Variants in FANCA observed in about 807,000 individuals in gnomAD.
FANCA encodes the protein Fanconi anemia group A protein.
Under a neutral mutation model 194.3 loss-of-function variants are expected in FANCA, and 236 were observed. That is an observed-to-expected ratio of 1.21 (90% CI 1.09 to 1.35). FANCA has a LOEUF of 1.35. FANCA is among the 40% of genes most tolerant of loss of function. FANCA has a pLI of 0.00. For missense variants in FANCA, 2,628 were observed against 1,813.9 expected, an observed-to-expected ratio of 1.45 and a Z score of -8.15; for synonymous variants, 1,014 against 715.8, an observed-to-expected ratio of 1.42 and a Z score of -6.65.
intron 17 of FANCA, among the ~76,000 whole-genome samples, chr16:89,781,529 AG>A (rs1684859330): frequency 6.8e-6 from 1 of 146,806 alleles, no homozygotes; most frequent in African/African-American, 2.5e-5. Flanking sequence ...CAAAAAAATT[AG>A]CTGGGTGTGG....
intron 26 of FANCA, among the ~76,000 whole-genome samples, chr16:89,768,909 ACACCCAG>A (rs2039221479): frequency 2.4e-5 from 3 of 126,672 alleles, no homozygotes; most frequent in Non-Finnish European, 3.2e-5. Flanking sequence ...TCTCATGCCA[ACACCCAG>A]TACTCAGTGT....
At chr16:89,792,610 A>G (rs958234508) in intron 11 of FANCA, 63 bp from the exon 12 acceptor site, 3 of 1,467,090 alleles carry the variant, frequency 2.0e-6, no homozygotes, top group East Asian at 2.3e-5. Flanking sequence ...GGTTTTTGTT[A>G]AGGACCAGCC....
chr16:89,787,174 A>C (rs2039926330), intron 14 of FANCA, among the ~76,000 whole-genome samples: 1 of 152,206 alleles, frequency 6.6e-6, no homozygotes, highest in African/African-American at 2.4e-5. Context: ...CAATCCGGTA[A>C]TTCCAACACT....
At position 89,767,473 on chromosome 16, in the gene FANCA, G is replaced by T. The variant is rs6500443; in HGVS notation, c.2505-236C>A. 0.52 allele frequency among the ~76,000 whole-genome samples: 78,519 copies of T among 151,992 alleles called. 22,220 individuals are homozygous for T. The highest frequency in any genetic ancestry group is 0.98 in the East Asian group (5,080 of 5,176). On this transcript the variant is annotated intron_variant, in intron 26 of 42. Transcript: ENST00000389301. ...ATCTCTGCCTCCCGGGTTCAAGCGA[G>T]TCTCCTGCCTCAGCCTCCCAGGTAG... is the stretch of plus-strand genomic sequence containing the variant.
At chr16:89,802,502 C>T (rs139927204) in intron 8 of FANCA, among the ~76,000 whole-genome samples, 1,705 of 152,206 alleles carry the variant, frequency 0.011, 28 homozygotes, top group African/African-American at 0.039. Flanking sequence ...CCAGGTTTCA[C>T]GCCATTCTCC....
chr16:89,752,230 G>T lies in FANCA; in HGVS notation c.2982-8C>A. 6.2e-7 allele frequency: 1 copy of T among 1,611,074 alleles called. No homozygotes were observed. On this transcript the variant is annotated splice_region_variant and splice_polypyrimidine_tract_variant and intron_variant, in intron 30 of 42. Coordinates refer to ENST00000389301, the MANE Select transcript of FANCA (RefSeq NM_000135.4). ...TGGTCATAACTCCTTGAGCTGAAAT[G>T]AAAATACAATAAAATCCTCCTCAGT...
chr16:89,801,146 C>G (rs559143435), intron 8 of FANCA, among the ~76,000 whole-genome samples: 2 of 151,866 alleles, frequency 1.3e-5, no homozygotes, highest in South Asian at 2.1e-4. Flanking sequence ...AAGTTCGAGA[C>G]CAGCCTGACC....
intron 26 of FANCA, among the ~76,000 whole-genome samples, chr16:89,767,565 T>C (rs1430904494): frequency 6.6e-6 from 1 of 151,972 alleles, no homozygotes; most frequent in Non-Finnish European, 1.5e-5. Flanking sequence ...GTGCTTTTTT[T>C]TTGAGAGGGA....
At chr16:89,780,124 A>G (rs954454866) in intron 17 of FANCA, among the ~76,000 whole-genome samples, 167 bp from the exon 18 acceptor site, 3 of 152,128 alleles carry the variant, frequency 2.0e-5, no homozygotes, top group Non-Finnish European at 4.4e-5. Flanking sequence ...AGCACTCCAA[A>G]ATGTCCCAAA....
At chr16:89,751,669 C>T (rs1017416415) in intron 31 of FANCA, among the ~76,000 whole-genome samples, 26 of 152,118 alleles carry the variant, frequency 1.7e-4, no homozygotes, top group African/African-American at 5.8e-4. Context: ...GACAGTGAAC[C>T]CACACAGGTA....
At chr16:89,746,718 C>T (rs749041839) in intron 34 of FANCA, 30 bp from the exon 35 acceptor site, 8 of 1,609,402 alleles carry the variant, frequency 5.0e-6, no homozygotes, top group East Asian at 2.2e-5. Context: ...AGGAGGTCAG[C>T]GGTTTGTGAG....
chr16:89,739,736 C>T (rs949804156), intron 39 of FANCA, 183 bp from the exon 40 acceptor site: 40 of 1,492,792 alleles, frequency 2.7e-5, no homozygotes, highest in Non-Finnish European at 2.9e-5. Context: ...ATGGGGGGGT[C>T]GACCTCTTGC....
rs765106818 is a variant in FANCA at position 89,745,060 on chromosome 16, C to T, written c.3525G>A (p.Pro1175=). Residue 1175 remains proline, a synonymous_variant, in exon 36 of 43, where the codon CCG becomes CCA. Transcript: ENST00000389301. The part of the protein sequence containing the change: ...LILTSALVWW[P]SLEPVLLCRW... ...GGCAGAGCAGCACAGGCTCCAGGCT[C>T]GGCCACCACACCTATGGAGAGAGCA... is the stretch of plus-strand genomic sequence containing the variant. 1.0e-5 allele frequency: 16 copies of T among 1,605,738 alleles called. No individual in the cohort carries two copies. Among genetic ancestry groups the T allele is most frequent in the South Asian group, 3.3e-5 (3 of 90,480 alleles).
At chr16:89,791,098 T>C (rs1304012007) in intron 14 of FANCA, 1 of 413,282 alleles carries the variant, frequency 2.4e-6, no homozygotes, top group Admixed American at 3.7e-5. Flanking sequence ...TCGCTAATTT[T>C]CTTATAAAAG....
chr16:89,745,863 C>G (rs887616706), intron 35 of FANCA, among the ~76,000 whole-genome samples: 9 of 152,224 alleles, frequency 5.9e-5, no homozygotes, highest in Non-Finnish European at 1.2e-4. Flanking sequence ...CTTGGATGCC[C>G]TCAGCTGAGA....
At chr16:89,810,825 T>G (rs937600060) in intron 4 of FANCA, 23 bp from the exon 5 acceptor site, 3 of 1,613,098 alleles carry the variant, frequency 1.9e-6, no homozygotes, top group African/African-American at 2.7e-5. Flanking sequence ...ATTACATTTT[T>G]TAAAAAACAA....
At chr16:89,752,998 G>A (rs951198017) in intron 30 of FANCA, among the ~76,000 whole-genome samples, 61 of 152,200 alleles carry the variant, frequency 4.0e-4, no homozygotes, top group Admixed American at 3.0e-3. Flanking sequence ...GTCTCCCTGT[G>A]ATGCTGTGCT....
rs977968278 is a variant in FANCA, at chr16:89,744,851, C to T, written c.3626+108G>A. 5.0e-6 allele frequency: 5 copies of T among 1,001,100 alleles called. No homozygotes were observed. In the African/African-American group the frequency reaches 8.0e-5, roughly 16 times the overall value. 62.0% of individuals were successfully genotyped at this position (1,001,100 alleles called of 1,614,324 possible). A position where few individuals can be genotyped will look rare whatever the true frequency, so the allele number is the denominator to read the frequency against. On this transcript the variant is annotated intron_variant, in intron 36 of 42. Transcript: ENST00000389301. ...CTTTTCTCCCTGCTCACACGAGAGGCTGCCCACACCGCTTCTCTCAAGCAA... is the reference window on the plus strand; with the variant it reads ...CTTTTCTCCCTGCTCACACGAGAGGTTGCCCACACCGCTTCTCTCAAGCAA...
intron 14 of FANCA, among the ~76,000 whole-genome samples, chr16:89,788,018 C>G (rs59127000): frequency 6.6e-6 from 1 of 152,000 alleles, no homozygotes; most frequent in South Asian, 2.1e-4. Flanking sequence ...GGATTACAGG[C>G]ACCTGCCACC....
Sources: gnomAD v4.1 joint callset for allele counts (sites outside exome capture counted in the v4.1 genomes callset) on GRCh38, gnomAD v4.1.1 for gene constraint, MANE v1.5 for transcripts, NCBI Gene and HGNC (gene_info 2026-07-23, HGNC 2026-07-21) for gene names.